The following SPON1 variants were observed in gnomAD, a reference collection of about 807,000 sequenced individuals.
The protein encoded by SPON1 is spondin 1, also known as spondin-1.
In SPON1, 52 loss-of-function variants were observed where a neutral mutation model predicts 111.7. The observed-to-expected ratio is 0.47, with a 90% confidence interval of 0.37 to 0.59. SPON1 has a LOEUF of 0.59. Ranked by LOEUF, SPON1 falls within the 20% of genes least tolerant of loss-of-function variation. SPON1 has a pLI of 0.00. For synonymous variants in SPON1, 410 were observed against 395.8 expected (o/e 1.04, Z -0.43); for missense variants, 957 against 1,068.5 (o/e 0.90, Z 1.46).
In SPON1 at chr11:14,135,935, A is replaced by C. The variant is rs1041712396; in HGVS notation, c.825+367A>C. On this transcript the variant is annotated intron_variant, in intron 6 of 15. Coordinates refer to ENST00000576479, the MANE Select transcript of SPON1 (RefSeq NM_006108.4). The surrounding 1 kb of genome is among the most constrained non-coding windows in gnomAD (Gnocchi z 4.4). ...GTCAAGCTGTCCAGCCAAATCCCCA[A>C]AATAAATGTTTGAGTATTGGCACGT... Among the ~76,000 whole-genome samples, 14 of 152,264 alleles carry C rather than the reference A, an allele frequency of 9.2e-5. No homozygotes were observed. Among genetic ancestry groups the C allele is most frequent in the African/African-American group, 3.4e-4 (14 of 41,536 alleles).
intron 6 of SPON1, among the ~76,000 whole-genome samples, chr11:14,197,488 A>AAAT (rs1848414772): frequency 7.6e-5 from 11 of 144,954 alleles, no homozygotes; most frequent in Non-Finnish European, 1.4e-4. Context: ...GTCCTCTTTA[A>AAAT]AAATAAATAA....
chr11:14,078,983 A>C (rs1460860161), intron 4 of SPON1, among the ~76,000 whole-genome samples: 1 of 152,212 alleles, frequency 6.6e-6, no homozygotes, highest in Non-Finnish European at 1.5e-5. Flanking sequence ...CTCTTTGTAT[A>C]ATATTTAAGA....
chr11:14,192,307 A>C (rs1421717705), intron 6 of SPON1, among the ~76,000 whole-genome samples: 8 of 151,420 alleles, frequency 5.3e-5, no homozygotes, highest in African/African-American at 1.9e-4. Context: ...CCTACTTGGC[A>C]CTCTGCTAGG....
chr11:13,973,930 C>T (rs1304460116), intron 1 of SPON1, among the ~76,000 whole-genome samples: 1 of 152,162 alleles, frequency 6.6e-6, no homozygotes, highest in African/African-American at 2.4e-5. Flanking sequence ...GTGGGAGAAA[C>T]TTCATCTCTG....
intron 3 of SPON1, among the ~76,000 whole-genome samples, chr11:14,068,138 A>T (rs1848846839): frequency 6.6e-6 from 1 of 152,148 alleles, no homozygotes; most frequent in African/African-American, 2.4e-5. Flanking sequence ...TTAGTTTTCC[A>T]TTGGATTTGG....
At chr11:14,148,991 A>T (rs1204710364) in intron 6 of SPON1, among the ~76,000 whole-genome samples, 1 of 152,334 alleles carries the variant, frequency 6.6e-6, no homozygotes, top group African/African-American at 2.4e-5. Context: ...GTGGTCCCTT[A>T]AGATTATAAT....
chr11:14,170,192 C>T (rs1263416972), intron 6 of SPON1, among the ~76,000 whole-genome samples: 1 of 152,110 alleles, frequency 6.6e-6, no homozygotes, highest in Admixed American at 6.5e-5. Context: ...TTGTAGTTCT[C>T]CTTGAAGAGG....
intron 1 of SPON1, among the ~76,000 whole-genome samples, chr11:13,981,779 T>C (rs1848146603): frequency 6.6e-6 from 1 of 152,230 alleles, no homozygotes; most frequent in Non-Finnish European, 1.5e-5. Context: ...TTCTGGTCAG[T>C]AGGTGATTTT....
intron 2 of SPON1, among the ~76,000 whole-genome samples, chr11:13,997,774 A>C (rs1285410967): frequency 6.6e-6 from 1 of 152,218 alleles, no homozygotes; most frequent in East Asian, 1.9e-4. Context: ...CTATGGATAC[A>C]TGATGCGCAA....
chr11:14,133,653 C>A (rs543620498), intron 5 of SPON1, among the ~76,000 whole-genome samples: 1 of 152,166 alleles, frequency 6.6e-6, no homozygotes, highest in Non-Finnish European at 1.5e-5. Context: ...GTCCACATCA[C>A]GAACCTAAGG....
At chr11:14,113,646 A>C (rs1554925694) in intron 5 of SPON1, among the ~76,000 whole-genome samples, 1 of 115,848 alleles carries the variant, frequency 8.6e-6, no homozygotes, top group African/African-American at 3.4e-5. Flanking sequence ...TCTGTCGCCC[A>C]GGCTGGAGTG....
At chr11:13,980,606 A>G (rs1848136898) in intron 1 of SPON1, among the ~76,000 whole-genome samples, 1 of 151,860 alleles carries the variant, frequency 6.6e-6, no homozygotes, top group Admixed American at 6.5e-5. Context: ...GGTTTGTTAC[A>G]TGTGTATACA....
At chr11:14,100,396 A>G (rs1308811016) in intron 5 of SPON1, among the ~76,000 whole-genome samples, 10 of 146,678 alleles carry the variant, frequency 6.8e-5, no homozygotes, top group African/African-American at 2.5e-4. Flanking sequence ...CTTTTTTTTT[A>G]GACACCTTCT....
At chr11:14,060,909 T>G (rs1848786617) in intron 3 of SPON1, among the ~76,000 whole-genome samples, 1 of 151,850 alleles carries the variant, frequency 6.6e-6, no homozygotes, top group Non-Finnish European at 1.5e-5. Flanking sequence ...AGAGTGAGTC[T>G]CTACCTTATA....
At chr11:14,216,810 ATG>A (rs1848630901) in intron 6 of SPON1, among the ~76,000 whole-genome samples, 1 of 152,236 alleles carries the variant, frequency 6.6e-6, no homozygotes, top group African/African-American at 2.4e-5. Context: ...TTTCCAACAC[ATG>A]AATTTTGGGG....
At chr11:14,066,888 C>G (rs1554920401) in intron 3 of SPON1, among the ~76,000 whole-genome samples, 1 of 152,144 alleles carries the variant, frequency 6.6e-6, no homozygotes, top group Non-Finnish European at 1.5e-5. Flanking sequence ...CCACCAAAAA[C>G]CGTCAGTGTG....
At chr11:14,111,467 G>A (rs1279285186) in intron 5 of SPON1, among the ~76,000 whole-genome samples, 1 of 152,170 alleles carries the variant, frequency 6.6e-6, no homozygotes, top group African/African-American at 2.4e-5. Context: ...TCACTTTTAA[G>A]AGAATATTTC....
intron 6 of SPON1, among the ~76,000 whole-genome samples, chr11:14,147,380 C>T (rs1554929440): frequency 6.6e-6 from 1 of 151,718 alleles, no homozygotes; most frequent in Non-Finnish European, 1.5e-5. Flanking sequence ...AAGCACATCA[C>T]AAAACCCGGA....
Position 14,135,634 on chromosome 11 carries a change from T to C in SPON1, c.825+66T>C. 1.3e-6 allele frequency: 2 copies of C among 1,514,516 alleles called. No homozygotes were observed. Among genetic ancestry groups the C allele is most frequent in the Non-Finnish European group, 1.8e-6 (2 of 1,103,922 alleles). 93.8% of individuals were successfully genotyped at this position (1,514,516 alleles called of 1,614,324 possible). A position where few individuals can be genotyped will look rare whatever the true frequency, so the allele number is the denominator to read the frequency against. ...GCAGTCAAAGCACTCCTTAGATATC[T>C]TTCCCAGGGGCTTGAAATTTGCAGT... On this transcript the variant is annotated intron_variant, in intron 6 of 15. Transcript: ENST00000576479. The surrounding 1 kb of genome is among the most constrained non-coding windows in gnomAD (Gnocchi z 4.4).
Sources: allele counts gnomAD v4.1 joint callset (sites outside exome capture counted in the v4.1 genomes callset), GRCh38; gene constraint gnomAD v4.1.1; non-coding constraint Gnocchi (gnomAD v3.1); transcripts MANE v1.5; gene names NCBI Gene and HGNC (gene_info 2026-07-23, HGNC 2026-07-21).